Variants in SLMAP observed in about 807,000 individuals in gnomAD.
SLMAP encodes the protein sarcolemma associated protein.
Under a neutral mutation model 128.8 loss-of-function variants are expected in SLMAP, and 44 were observed. That is an observed-to-expected ratio of 0.34 (90% CI 0.27 to 0.44). SLMAP has a LOEUF of 0.44. Ranked by LOEUF, SLMAP falls within the 20% of genes least tolerant of loss-of-function variation. SLMAP has a pLI of 1.00. For missense variants in SLMAP, 787 were observed against 985.3 expected (o/e 0.80, Z 2.69); for synonymous variants, 327 against 348.8 (o/e 0.94, Z 0.70).
At chr3:57,899,755 C>T (rs1346784491) in intron 17 of SLMAP, 1 of 152,128 alleles carries the variant, frequency 6.6e-6, no homozygotes, top group East Asian at 1.9e-4. Context: ...CTCTGTCTCT[C>T]TCTCTTTTTG....
chr3:57,807,964 T>C (rs2090209351), intron 2 of SLMAP, among the ~76,000 whole-genome samples: 1 of 152,208 alleles, frequency 6.6e-6, no homozygotes, highest in South Asian at 2.1e-4. Context: ...TATTGGTCTA[T>C]TCAGGGATTC....
chr3:57,910,932 G>A (rs2096678892), intron 19 of SLMAP, among the ~76,000 whole-genome samples: 2 of 152,170 alleles, frequency 1.3e-5, no homozygotes, highest in Non-Finnish European at 2.9e-5. Context: ...TATTTTTTGA[G>A]TGGAACATTT....
At position 57,807,406 on chromosome 3, in the gene SLMAP, T is replaced by C. The variant is rs369107330; in HGVS notation, c.199-23977T>C. Among the ~76,000 whole-genome samples the C allele has an allele frequency of 2.0e-4, 30 of 152,298 alleles. No individual in the cohort carries two copies. The South Asian group carries it at 4.1e-3, about 21-fold the overall frequency. ...AGGGAATGCTTCCAGCTTTTGCCCA[T>C]TCAGTATGATATTGGCTGTGGGTTT... On this transcript the variant is annotated intron_variant, in intron 2 of 24. Coordinates refer to ENST00000671191, the MANE Select transcript of SLMAP (RefSeq NM_001377540.1).
chr3:57,785,170 G>A (rs1402741061), intron 2 of SLMAP, among the ~76,000 whole-genome samples: 7 of 152,106 alleles, frequency 4.6e-5, no homozygotes, highest in Non-Finnish European at 8.8e-5. Context: ...GAGAATTTGA[G>A]GTACATTTCT....
At chr3:57,907,846 A>G (rs1283558325) in intron 17 of SLMAP, 38 bp from the exon 18 acceptor site, 3 of 1,600,726 alleles carry the variant, frequency 1.9e-6, no homozygotes, top group Non-Finnish European at 2.6e-6. Flanking sequence ...ATAGTGTGAT[A>G]CTAACTCTTG....
At chr3:57,771,177 C>CCCTCCCCTCT (rs1386521527) in intron 2 of SLMAP, among the ~76,000 whole-genome samples, 28 of 88,498 alleles carry the variant, frequency 3.2e-4, no homozygotes, top group Non-Finnish European at 4.2e-4. Flanking sequence ...CCCTCCCCTC[C>CCCTCCCCTCT]CCTCTCCTCT....
intron 15 of SLMAP, 175 bp downstream of exon 15, chr3:57,890,275 G>T: frequency 1.9e-6 from 1 of 522,408 alleles, no homozygotes; most frequent in Non-Finnish European, 3.4e-6. Context: ...GTTTTAAGAA[G>T]GGTATCGTAA....
intron 21 of SLMAP, among the ~76,000 whole-genome samples, chr3:57,914,917 A>G (rs1306550577): frequency 7.1e-6 from 1 of 140,980 alleles, no homozygotes; most frequent in African/African-American, 2.7e-5. Flanking sequence ...GCAGAGTCAC[A>G]TTCAGTTGCC....
In SLMAP at chr3:57,909,406, G is replaced by T. The variant is rs533957043; in HGVS notation, c.1699+256G>T. ...AATCCCAGCTTCTCGGGAGGCTGAG[G>T]CAGGAGAATTGCTTGAACCTGGGAG... On this transcript the variant is annotated intron_variant, in intron 19 of 24. Transcript: ENST00000671191. Among the ~76,000 whole-genome samples the T allele has an allele frequency of 4.5e-4, 68 of 151,670 alleles. 3 individuals carry two copies. The highest frequency in any genetic ancestry group is 6.8e-3 in the Middle Eastern group (2 of 294).
At chr3:57,883,365 A>G (rs2095797773) in intron 14 of SLMAP, among the ~76,000 whole-genome samples, 1 of 152,224 alleles carries the variant, frequency 6.6e-6, no homozygotes, top group East Asian at 1.9e-4. Flanking sequence ...TAACATCAAC[A>G]TTTAGAAATT....
At chr3:57,831,672 C>A in intron 3 of SLMAP, 142 bp downstream of exon 3, 1 of 512,562 alleles carries the variant, frequency 2.0e-6, no homozygotes. Context: ...AGTTAAAAGT[C>A]TCATACTTTC....
chr3:57,804,154 A>G (rs1260433061), intron 2 of SLMAP, among the ~76,000 whole-genome samples: 1 of 152,196 alleles, frequency 6.6e-6, no homozygotes, highest in Admixed American at 6.5e-5. Context: ...CTCTTGCTCT[A>G]TTTATTTTCA....
intron 3 of SLMAP, among the ~76,000 whole-genome samples, chr3:57,835,053 C>T (rs2093561231): frequency 7.5e-6 from 1 of 133,142 alleles, no homozygotes; most frequent in Admixed American, 9.4e-5. Flanking sequence ...GCCTGGGAGG[C>T]AGAGATTGCA....
chr3:57,838,238 T>C (rs2093733172), intron 3 of SLMAP, among the ~76,000 whole-genome samples: 1 of 152,260 alleles, frequency 6.6e-6, no homozygotes, highest in South Asian at 2.1e-4. Flanking sequence ...CCTGTATTTA[T>C]TATAGGCTAT....
chr3:57,853,875 A>G (rs2094597497), intron 6 of SLMAP, among the ~76,000 whole-genome samples: 1 of 144,626 alleles, frequency 6.9e-6, no homozygotes, highest in Non-Finnish European at 1.5e-5. Context: ...CAGGAGGCGG[A>G]GGCTGCGGTG....
At position 57,878,424 on chromosome 3, in the gene SLMAP, A is replaced by G. The variant is rs1211082422; in HGVS notation, c.1300+6726A>G. Among the ~76,000 whole-genome samples the G allele has an allele frequency of 4.6e-5, 7 of 152,148 alleles. No homozygotes were observed. The East Asian group carries it at 1.4e-3, about 29-fold the overall frequency. ...TTGATATTCTAATCTCAGTTTCTTC[A>G]TCATATTTTCTCTTGGTGATCTTTT... On this transcript the variant is annotated intron_variant, in intron 14 of 24. Coordinates refer to ENST00000671191, the MANE Select transcript of SLMAP (RefSeq NM_001377540.1).
chr3:57,889,901 G>T (rs2096012465), intron 14 of SLMAP, 140 bp from the exon 15 acceptor site: 1 of 558,328 alleles, frequency 1.8e-6, no homozygotes, highest in Non-Finnish European at 3.3e-6. Context: ...TCCCCTTCCA[G>T]ATTCAAGTTT....
intron 2 of SLMAP, among the ~76,000 whole-genome samples, chr3:57,783,234 C>G (rs2083420280): frequency 6.6e-6 from 1 of 152,040 alleles, no homozygotes; most frequent in Admixed American, 6.6e-5. Flanking sequence ...AAACGTGTAT[C>G]AAAAAATCTG....
chr3:57,848,397 AT>A (rs1306915574), intron 5 of SLMAP, among the ~76,000 whole-genome samples: 1 of 119,296 alleles, frequency 8.4e-6, no homozygotes, highest in Non-Finnish European at 1.8e-5. Flanking sequence ...TTTCCTTCTT[AT>A]TCTTCTTTCT....
Sources: gnomAD v4.1 joint callset for allele counts (sites outside exome capture counted in the v4.1 genomes callset) on GRCh38, gnomAD v4.1.1 for gene constraint, MANE v1.5 for transcripts, NCBI Gene and HGNC (gene_info 2026-07-23, HGNC 2026-07-21) for gene names.